Variants in FBXO4 observed in about 807,000 individuals in gnomAD.
FBXO4 encodes the protein F-box only protein 4.
A neutral mutation model predicts 43.7 loss-of-function variants in FBXO4; 36 were observed. The observed-to-expected ratio is 0.82, with a 90% CI of 0.63 to 1.09. The LOEUF (loss-of-function observed/expected upper bound fraction) is 1.09, where lower values mean the gene tolerates loss of function less well. Ranked by LOEUF, FBXO4 falls within the 50% of genes least tolerant of loss-of-function variation. The pLI, the probability that FBXO4 is intolerant of heterozygous loss-of-function variation, is 0.00. For missense variants in FBXO4, 435 were observed against 474.1 expected, an observed-to-expected ratio of 0.92 and a Z score of 0.77; for synonymous variants, 180 against 165.6, an observed-to-expected ratio of 1.09 and a Z score of -0.67.
At chr5:41,927,338 G>A in intron 2 of FBXO4, 90 bp downstream of exon 2, 1 of 950,656 alleles carries the variant, frequency 1.1e-6, no homozygotes, top group Non-Finnish European at 1.6e-6. Context: ...CCCTGCTACT[G>A]ATTTGTTGCG....
At chr5:42,025,606 T>A in the FBXO4 span, among the ~76,000 whole-genome samples, 2,435 of 149,776 alleles carry the variant, frequency 0.016, 123 homozygotes, top group East Asian at 0.1. Flanking sequence ...TTAATCAAGA[T>A]TTTTTTTCCC....
the FBXO4 span, among the ~76,000 whole-genome samples, chr5:42,028,641 T>A: frequency 0.016 from 2,435 of 151,854 alleles, 120 homozygotes; most frequent in East Asian, 0.11. Context: ...AGTGAGCATG[T>A]TTTTCTCTGG....
rs757658813 is a variant in FBXO4 at position 41,941,223 on chromosome 5, G to T, written c.1106G>T (p.Gly369Val). The change falls in exon 7 of 7, where the codon GGT becomes GTT. Residue 369 changes from glycine (G) to valine (V), a missense_variant. Gly to Val is a moderately radical substitution (Grantham distance 109). Transcript: ENST00000281623. The stretch of plus-strand genomic sequence containing the variant: ...GATACAGAGGCTGAAACTCTGACTG[G>T]TTTTTTGAATGGCATTGAGTGGATT... ...VQDTEAETLT[G>V]FLNGIEWILE... The T allele has an allele frequency of 1.2e-5, 20 of 1,613,628 alleles. No individual in the cohort carries two copies. Among genetic ancestry groups the T allele is most frequent in the Non-Finnish European group, 1.6e-5 (19 of 1,179,772 alleles).
At chr5:41,930,780 G>A (rs1215543542) in intron 3 of FBXO4, among the ~76,000 whole-genome samples, 1 of 150,668 alleles carries the variant, frequency 6.6e-6, no homozygotes, top group African/African-American at 2.4e-5. Context: ...CCATTCTCCC[G>A]AGTAGCTGGG....
At chr5:41,988,381 T>C in the FBXO4 span, among the ~76,000 whole-genome samples, 2 of 152,294 alleles carry the variant, frequency 1.3e-5, no homozygotes, top group African/African-American at 2.4e-5. Context: ...TCATCTTTCT[T>C]GAAGGGTATA....
the FBXO4 span, among the ~76,000 whole-genome samples, chr5:41,994,996 C>A: frequency 6.6e-6 from 1 of 152,144 alleles, no homozygotes; most frequent in African/African-American, 2.4e-5. Flanking sequence ...GCATACATGG[C>A]CTCCTGGAGA....
the FBXO4 span, among the ~76,000 whole-genome samples, chr5:41,975,570 C>T: frequency 1.3e-5 from 2 of 152,046 alleles, no homozygotes; most frequent in Non-Finnish European, 2.9e-5. Flanking sequence ...GAAAATAAGG[C>T]TCTGAAGGGC....
chr5:41,935,980 A>G (rs1751838725), intron 5 of FBXO4, among the ~76,000 whole-genome samples: 2 of 152,266 alleles, frequency 1.3e-5, no homozygotes, highest in Admixed American at 1.3e-4. Context: ...TAACTATAGC[A>G]ATAAAAGCCA....
At chr5:42,012,188 A>G in the FBXO4 span, among the ~76,000 whole-genome samples, 1 of 152,184 alleles carries the variant, frequency 6.6e-6, no homozygotes, top group African/African-American at 2.4e-5. Flanking sequence ...GTCCTCAAGG[A>G]TTATTCATCA....
At chr5:41,993,872 C>G in the FBXO4 span, among the ~76,000 whole-genome samples, 2 of 151,948 alleles carry the variant, frequency 1.3e-5, no homozygotes, top group Admixed American at 1.3e-4. Context: ...TCTCTGGCTG[C>G]TTTATATTGG....
chr5:42,023,066 C>T, the FBXO4 span, among the ~76,000 whole-genome samples: 1 of 151,992 alleles, frequency 6.6e-6, no homozygotes, highest in South Asian at 2.1e-4. Flanking sequence ...ACACTTGATG[C>T]ACTCCATTGT....
chr5:41,968,728 A>G, the FBXO4 span, among the ~76,000 whole-genome samples: 25 of 152,086 alleles, frequency 1.6e-4, no homozygotes, highest in Non-Finnish European at 3.4e-4. Flanking sequence ...TCTGTTACAT[A>G]CCGAAATTTA....
At chr5:41,934,443 T>C in intron 5 of FBXO4, 135 bp downstream of exon 5, 1 of 1,495,346 alleles carries the variant, frequency 6.7e-7, no homozygotes, top group Non-Finnish European at 8.9e-7. Context: ...ACCCTTACTA[T>C]TAATAGTGTG....
At chr5:41,932,609 A>ATGGCTT (rs1751722679) in intron 3 of FBXO4, among the ~76,000 whole-genome samples, 1 of 152,244 alleles carries the variant, frequency 6.6e-6, no homozygotes, top group African/African-American at 2.4e-5. Flanking sequence ...CTGAAGGGCA[A>ATGGCTT]TGGCTTTGTA....
At chr5:41,993,072 AGT>A in the FBXO4 span, among the ~76,000 whole-genome samples, 1 of 152,150 alleles carries the variant, frequency 6.6e-6, no homozygotes, top group Non-Finnish European at 1.5e-5. Flanking sequence ...AATAGACTGA[AGT>A]ATTACTTAGT....
chr5:42,032,082 T>C, the FBXO4 span, among the ~76,000 whole-genome samples: 2 of 150,626 alleles, frequency 1.3e-5, no homozygotes, highest in Non-Finnish European at 2.9e-5. Flanking sequence ...TGTGTGTGTG[T>C]GTGTGTGTGT....
At chr5:42,005,038 G>T in the FBXO4 span, among the ~76,000 whole-genome samples, 2 of 152,116 alleles carry the variant, frequency 1.3e-5, no homozygotes, top group Non-Finnish European at 2.9e-5. Context: ...CTGCAGGGGG[G>T]TGGGTAATAT....
At chr5:41,968,092 G>A in the FBXO4 span, 7 of 345,558 alleles carry the variant, frequency 2.0e-5, no homozygotes, top group South Asian at 1.7e-4. Context: ...TTGGCAATGG[G>A]TTCTTCCCAA....
intron 4 of FBXO4, 29 bp downstream of exon 4, chr5:41,934,050 G>GA (rs780423266): frequency 1.9e-6 from 3 of 1,611,438 alleles, no homozygotes; most frequent in Non-Finnish European, 2.5e-6. Flanking sequence ...TGGCTTAACT[G>GA]AAACATCAGA....
Sources: allele counts gnomAD v4.1 joint callset (sites outside exome capture counted in the v4.1 genomes callset), GRCh38; gene constraint gnomAD v4.1.1; transcripts MANE v1.5; gene names NCBI Gene and HGNC (gene_info 2026-07-23, HGNC 2026-07-21).